NIPAL2: variants seen among roughly 807,000 people sequenced by gnomAD.
NIPAL2 encodes the protein NIPA like domain containing 2.
Under a neutral mutation model 48.9 loss-of-function variants are expected in NIPAL2, and 43 were observed. The ratio of observed to expected loss-of-function variants is 0.88; its 90% CI spans 0.69 to 1.13. The LOEUF (loss-of-function observed/expected upper bound fraction) is 1.13. NIPAL2 is among the 50% of genes most tolerant of loss of function. The probability of loss-of-function intolerance (pLI) is 0.00; values close to 1 mark genes in which losing one functional copy is unlikely to be tolerated. For missense variants in NIPAL2, 446 were observed against 461.4 expected (o/e 0.97, Z 0.31); for synonymous variants, 167 against 174.6 (o/e 0.96, Z 0.34).
At chr8:98,276,200 A>G (rs529883805) in intron 1 of NIPAL2, among the ~76,000 whole-genome samples, 98 of 152,276 alleles carry the variant, frequency 6.4e-4, no homozygotes, top group African/African-American at 2.1e-3. Context: ...TTATAATATC[A>G]TACAGAATAG....
chr8:98,289,242 C>T (rs1365686964), intron 1 of NIPAL2, among the ~76,000 whole-genome samples: 3 of 152,052 alleles, frequency 2.0e-5, no homozygotes, highest in Non-Finnish European at 4.4e-5. Context: ...GAAACCAGGC[C>T]ATGTATGCTG....
intron 3 of NIPAL2, among the ~76,000 whole-genome samples, chr8:98,247,662 G>T (rs1813377465): frequency 6.6e-6 from 1 of 152,146 alleles, no homozygotes; most frequent in South Asian, 2.1e-4. Flanking sequence ...TTGAGAAAGG[G>T]CTCCCTTTTT....
In NIPAL2 at chr8:98,254,009, T is replaced by G. The variant is rs1813740732; in HGVS notation, c.204+10A>C. On this transcript the variant is annotated intron_variant, in intron 2 of 10. Transcript: ENST00000430223. The stretch of plus-strand genomic sequence containing the variant: ...ATCTATAGTGTTAGAAAAATAAGCT[T>G]TTTTCTTACCTGAATATTTAGAGAA... 6.3e-7 allele frequency: 1 copy of G among 1,598,702 alleles called. No homozygotes were observed. Among genetic ancestry groups the G allele is most frequent in the Middle Eastern group, 1.7e-4 (1 of 6,024 alleles).
intron 1 of NIPAL2, among the ~76,000 whole-genome samples, chr8:98,280,542 C>T (rs550864151): frequency 1.3e-5 from 2 of 151,608 alleles, no homozygotes; most frequent in African/African-American, 4.8e-5. Context: ...TCAGCTCACC[C>T]CATTTCATGG....
At chr8:98,271,943 T>C (rs1394427137) in intron 1 of NIPAL2, among the ~76,000 whole-genome samples, 1 of 152,138 alleles carries the variant, frequency 6.6e-6, no homozygotes. Flanking sequence ...TCTACGTCTA[T>C]TGAGATGATC....
At chr8:98,262,019 A>G (rs1814371733) in intron 1 of NIPAL2, among the ~76,000 whole-genome samples, 1 of 124,854 alleles carries the variant, frequency 8.0e-6, no homozygotes, top group Non-Finnish European at 1.7e-5. Flanking sequence ...TTTCATATCC[A>G]GCCAAACTAA....
intron 7 of NIPAL2, 40 bp from the exon 8 acceptor site, chr8:98,203,236 G>T: frequency 8.0e-7 from 1 of 1,256,184 alleles, no homozygotes; most frequent in Non-Finnish European, 1.1e-6. Flanking sequence ...GGCTTTAGGA[G>T]ACATTCAGCA....
chr8:98,208,511 C>A (rs1042253926), intron 6 of NIPAL2, among the ~76,000 whole-genome samples: 12 of 151,884 alleles, frequency 7.9e-5, no homozygotes, highest in Non-Finnish European at 2.9e-5. Flanking sequence ...TGCAATGGTG[C>A]GATCTTGGCT....
Position 98,280,761 on chromosome 8 carries a change from T to TATATAGAGAGAG in NIPAL2, c.135+13241_135+13242insCTCTCTCTATAT. On this transcript the variant is annotated intron_variant, in intron 1 of 10. Transcript: ENST00000430223. ...CTATATATATATATATATATATATATAGAGAGAGAGAGAGAGAGAGAGAGA... is the reference window on the plus strand; with the variant it reads ...CTATATATATATATATATATATATATATATAGAGAGAGAGAGAGAGAGAGAGAGAGAGAGAGA... Among the ~76,000 whole-genome samples, 280 of 30,010 alleles carry TATATAGAGAGAG rather than the reference T, an allele frequency of 9.3e-3. 5 individuals are homozygous for TATATAGAGAGAG. Among genetic ancestry groups the TATATAGAGAGAG allele is most frequent in the African/African-American group, 0.016 (143 of 8,780 alleles). 19.7% of individuals were successfully genotyped at this position (30,010 alleles called of 152,430 possible).
chr8:98,212,073 A>C (rs1174447336), intron 6 of NIPAL2, among the ~76,000 whole-genome samples: 2 of 152,226 alleles, frequency 1.3e-5, no homozygotes, highest in African/African-American at 4.8e-5. Flanking sequence ...TTCCTGACAC[A>C]AGAGTTTTAA....
intron 5 of NIPAL2, among the ~76,000 whole-genome samples, chr8:98,218,340 G>A (rs962558702): frequency 2.6e-5 from 4 of 152,192 alleles, no homozygotes; most frequent in African/African-American, 4.8e-5. Flanking sequence ...AAATCACAGA[G>A]ATTAGAACTC....
At chr8:98,217,103 C>G in intron 5 of NIPAL2, 1 of 985,450 alleles carries the variant, frequency 1.0e-6, no homozygotes, top group African/African-American at 1.7e-5. Context: ...TGCCCATCTG[C>G]AGCAGACAGG....
chr8:98,257,909 A>G (rs1814004338), intron 1 of NIPAL2, among the ~76,000 whole-genome samples: 1 of 152,186 alleles, frequency 6.6e-6, no homozygotes, highest in African/African-American at 2.4e-5. Context: ...GAACCAATGC[A>G]CATCTTATGT....
At chr8:98,279,567 G>T (rs893687261) in intron 1 of NIPAL2, among the ~76,000 whole-genome samples, 2 of 152,144 alleles carry the variant, frequency 1.3e-5, no homozygotes, top group African/African-American at 4.8e-5. Flanking sequence ...AGCCAGAGAA[G>T]GAAAGTGTCT....
At position 98,291,041 on chromosome 8, in the gene NIPAL2, G is replaced by C. The variant is rs1816462033; in HGVS notation, c.135+2962C>G. 1.3e-5 allele frequency among the ~76,000 whole-genome samples: 2 copies of C among 152,132 alleles called. 1 individual carries two copies. Among genetic ancestry groups the C allele is most frequent in the South Asian group, 4.1e-4 (2 of 4,824 alleles). On this transcript the variant is annotated intron_variant, in intron 1 of 10. Coordinates refer to ENST00000430223, the MANE Select transcript of NIPAL2 (RefSeq NM_001321635.2). ...TCCACAGCTGGCCAGTTTGAAAACT[G>C]AATCCTGCTAGCCTTAATTTAAATT...
chr8:98,254,645 A>C (rs1370402962), intron 1 of NIPAL2, among the ~76,000 whole-genome samples: 1 of 152,162 alleles, frequency 6.6e-6, no homozygotes, highest in Admixed American at 6.5e-5. Context: ...AAATTTTCCT[A>C]CTACTCCCCT....
chr8:98,258,468 G>A (rs1814040350), intron 1 of NIPAL2, among the ~76,000 whole-genome samples: 1 of 152,156 alleles, frequency 6.6e-6, no homozygotes, highest in African/African-American at 2.4e-5. Flanking sequence ...CTCACCTGCT[G>A]CAGAATAGAT....
chr8:98,208,843 CT>C (rs563063926), intron 6 of NIPAL2, among the ~76,000 whole-genome samples: 5 of 152,022 alleles, frequency 3.3e-5, no homozygotes, highest in South Asian at 2.1e-4. Context: ...TTGCTATTTT[CT>C]TTTTTTTAAT....
chr8:98,276,848 C>G (rs1397986699), intron 1 of NIPAL2, among the ~76,000 whole-genome samples: 1 of 151,762 alleles, frequency 6.6e-6, no homozygotes, highest in East Asian at 1.9e-4. Flanking sequence ...TCTTGGCTCA[C>G]TGCAACCTCC....
Sources: allele counts gnomAD v4.1 joint callset (sites outside exome capture counted in the v4.1 genomes callset), GRCh38; gene constraint gnomAD v4.1.1; transcripts MANE v1.5; gene names NCBI Gene and HGNC (gene_info 2026-07-23, HGNC 2026-07-21).